ZCWPW2: variants seen among roughly 807,000 people sequenced by gnomAD.
The protein encoded by ZCWPW2 is zinc finger CW-type PWWP domain protein 2.
In ZCWPW2, 45 loss-of-function variants were observed where a neutral mutation model predicts 46.6. The observed-to-expected ratio is 0.96, with a 90% CI of 0.76 to 1.24. The LOEUF is 1.24. Among genes scored for constraint, ZCWPW2 ranks in the 50% most tolerant of loss-of-function variants. The pLI is 0.00. For synonymous variants in ZCWPW2, 152 were observed against 137.1 expected (o/e 1.11, Z -0.76); for missense variants, 429 against 403.9 (o/e 1.06, Z -0.53).
intron 4 of ZCWPW2, among the ~76,000 whole-genome samples, chr3:28,455,661 A>T (rs1215431510): frequency 1.3e-5 from 2 of 152,054 alleles, no homozygotes; most frequent in African/African-American, 4.8e-5. Flanking sequence ...TAATTTTTGT[A>T]AATGGTGTAA....
intron 4 of ZCWPW2, chr3:28,447,891 T>A: frequency 2.2e-6 from 2 of 909,444 alleles, no homozygotes; most frequent in South Asian, 2.6e-5. Flanking sequence ...TTAGAGGGGT[T>A]CGTGCTGTGA....
intron 4 of ZCWPW2, among the ~76,000 whole-genome samples, chr3:28,470,311 G>C (rs983992283): frequency 6.6e-6 from 1 of 151,992 alleles, no homozygotes; most frequent in African/African-American, 2.4e-5. Flanking sequence ...TGGCCAACAT[G>C]GTAAATAAAA....
intron 1 of ZCWPW2, among the ~76,000 whole-genome samples, chr3:28,357,074 GA>G (rs61226891): frequency 0.21 from 31,163 of 150,652 alleles, 3,587 homozygotes; most frequent in Non-Finnish European, 0.27. Context: ...TGCCTATAAA[GA>G]AAAAAAAATC....
chr3:28,516,260 A>AATAAATAT (rs1700568937), intron 8 of ZCWPW2, among the ~76,000 whole-genome samples: 2 of 38,872 alleles, frequency 5.1e-5, no homozygotes, highest in East Asian at 3.4e-3. Flanking sequence ...CCTCTCAATA[A>AATAAATAT]ATAAATAAAT....
At chr3:28,517,095 TAAAAG>T (rs968420000) in intron 8 of ZCWPW2, among the ~76,000 whole-genome samples, 1 of 152,122 alleles carries the variant, frequency 6.6e-6, no homozygotes, top group Non-Finnish European at 1.5e-5. Flanking sequence ...TTTTAGAAAA[TAAAAG>T]AAAACTAAGT....
chr3:28,385,448 T>G (rs1348245396), intron 1 of ZCWPW2, among the ~76,000 whole-genome samples: 1 of 152,242 alleles, frequency 6.6e-6, no homozygotes, highest in Non-Finnish European at 1.5e-5. Flanking sequence ...AGAACTTTTA[T>G]TCCAGCACTA....
At chr3:28,360,333 G>T (rs1389635234) in intron 1 of ZCWPW2, among the ~76,000 whole-genome samples, 1 of 120,588 alleles carries the variant, frequency 8.3e-6, no homozygotes, top group Non-Finnish European at 1.7e-5. Flanking sequence ...GTGAAACCCC[G>T]TCTCTACTAA....
chr3:28,503,709 AT>A (rs1700207433), intron 6 of ZCWPW2, among the ~76,000 whole-genome samples: 1 of 152,002 alleles, frequency 6.6e-6, no homozygotes, highest in South Asian at 2.1e-4. Context: ...AAATTGGCTT[AT>A]AGCAGAATTC....
At chr3:28,374,706 A>G (rs574856741) in intron 1 of ZCWPW2, among the ~76,000 whole-genome samples, 5 of 151,952 alleles carry the variant, frequency 3.3e-5, no homozygotes, top group African/African-American at 1.2e-4. Flanking sequence ...GGTTAAATTG[A>G]TTCTTAGTTA....
At chr3:28,451,401 C>A (rs766127862) in intron 4 of ZCWPW2, among the ~76,000 whole-genome samples, 1 of 152,190 alleles carries the variant, frequency 6.6e-6, no homozygotes, top group Non-Finnish European at 1.5e-5. Context: ...AAATTCTTTT[C>A]TCTTTGTACA....
chr3:28,426,111 A>C (rs186658543), intron 3 of ZCWPW2, among the ~76,000 whole-genome samples: 266 of 151,598 alleles, frequency 1.8e-3, no homozygotes, highest in African/African-American at 5.8e-3. Context: ...CTCTGTCACA[A>C]AAAAAAATTA....
At chr3:28,409,397 G>C (rs966089051) in intron 2 of ZCWPW2, among the ~76,000 whole-genome samples, 1 of 151,750 alleles carries the variant, frequency 6.6e-6, no homozygotes, top group Non-Finnish European at 1.5e-5. Flanking sequence ...TGGGATTATA[G>C]GCATGAGGAA....
At chr3:28,449,272 A>G (rs372421404) in intron 4 of ZCWPW2, among the ~76,000 whole-genome samples, 1 of 152,194 alleles carries the variant, frequency 6.6e-6, no homozygotes, top group African/African-American at 2.4e-5. Context: ...TAAGACCTAA[A>G]ATTCTAAAGT....
At chr3:28,389,262 A>C (rs1182051608) in intron 1 of ZCWPW2, among the ~76,000 whole-genome samples, 1 of 152,188 alleles carries the variant, frequency 6.6e-6, no homozygotes, top group African/African-American at 2.4e-5. Flanking sequence ...CCTTCAGGGC[A>C]GACCTAGAAG....
At chr3:28,462,866 A>G (rs551998960) in intron 4 of ZCWPW2, among the ~76,000 whole-genome samples, 4 of 152,328 alleles carry the variant, frequency 2.6e-5, no homozygotes, top group African/African-American at 9.6e-5. Context: ...GCGAGTCCAA[A>G]GTTATTGAAA....
chr3:28,464,115 T>C (rs1698738245), intron 4 of ZCWPW2, among the ~76,000 whole-genome samples: 3 of 151,876 alleles, frequency 2.0e-5, no homozygotes, highest in Admixed American at 2.0e-4. Context: ...AGTACAAGGG[T>C]GTTTTTTTGT....
chr3:28,363,380 C>T (rs1174486568), intron 1 of ZCWPW2, among the ~76,000 whole-genome samples: 1 of 152,086 alleles, frequency 6.6e-6, no homozygotes, highest in Non-Finnish European at 1.5e-5. Flanking sequence ...AAAAAGTACT[C>T]AGTTTTTCTT....
chr3:28,372,640 C>T (rs1705373284), intron 1 of ZCWPW2, among the ~76,000 whole-genome samples: 1 of 152,056 alleles, frequency 6.6e-6, no homozygotes, highest in Admixed American at 6.6e-5. Flanking sequence ...TTAATAAGTT[C>T]AGAGGATACA....
chr3:28,357,082 A>C (rs1215246803), intron 1 of ZCWPW2, among the ~76,000 whole-genome samples: 1 of 152,194 alleles, frequency 6.6e-6, no homozygotes, highest in Non-Finnish European at 1.5e-5. Flanking sequence ...AAGAAAAAAA[A>C]ATCCATTTTT....
Sources: gnomAD v4.1 joint callset for allele counts (sites outside exome capture counted in the v4.1 genomes callset) on GRCh38, gnomAD v4.1.1 for gene constraint, MANE v1.5 for transcripts, NCBI Gene and HGNC (gene_info 2026-07-23, HGNC 2026-07-21) for gene names.